Variants in GPC5 observed in about 807,000 individuals in gnomAD.
GPC5 encodes the protein glypican 5.
In GPC5, 47 loss-of-function variants were observed where a neutral mutation model predicts 53.9. The observed-to-expected ratio is 0.87, with a 90% CI of 0.69 to 1.11. The LOEUF (loss-of-function observed/expected upper bound fraction) is 1.11, where lower values mean the gene tolerates loss of function less well. Ranked by LOEUF, GPC5 falls within the 50% of genes most tolerant of loss-of-function variation. GPC5 has a pLI of 0.00. For synonymous variants in GPC5, 286 were observed against 263.3 expected (o/e 1.09, Z -0.84); for missense variants, 748 against 713.1 (o/e 1.05, Z -0.56).
intron 7 of GPC5, among the ~76,000 whole-genome samples, chr13:92,217,069 G>A (rs1275295932): frequency 6.6e-6 from 1 of 151,568 alleles, no homozygotes; most frequent in Non-Finnish European, 1.5e-5. Context: ...CTCTGACCCT[G>A]CAGTCTTCAC....
intron 7 of GPC5, among the ~76,000 whole-genome samples, chr13:92,481,904 G>A (rs1284307477): frequency 2.6e-5 from 4 of 151,996 alleles, no homozygotes; most frequent in African/African-American, 9.7e-5. Flanking sequence ...AGAGGTGGGC[G>A]GATCACCTGA....
chr13:92,530,846 T>G (rs1881539273), intron 7 of GPC5, among the ~76,000 whole-genome samples: 1 of 152,200 alleles, frequency 6.6e-6, no homozygotes, highest in Non-Finnish European at 1.5e-5. Context: ...TAATTGAGTT[T>G]GGTGAATCAT....
At chr13:92,141,965 A>G (rs538282073) in intron 6 of GPC5, among the ~76,000 whole-genome samples, 11 of 152,244 alleles carry the variant, frequency 7.2e-5, no homozygotes, top group Non-Finnish European at 1.3e-4. Context: ...CCTCAAGGGC[A>G]GCAGCATGGG....
At chr13:91,928,371 T>G (rs1245925327) in intron 6 of GPC5, among the ~76,000 whole-genome samples, 2 of 152,198 alleles carry the variant, frequency 1.3e-5, no homozygotes, top group Non-Finnish European at 2.9e-5. Flanking sequence ...CTTAGTGGAA[T>G]AACTCTATAT....
At chr13:92,684,271 T>TTTTTTG (rs1887191601) in intron 7 of GPC5, among the ~76,000 whole-genome samples, 1 of 152,078 alleles carries the variant, frequency 6.6e-6, no homozygotes, top group South Asian at 2.1e-4. Context: ...ATTTTTTATT[T>TTTTTTG]TTTTTGTTTT....
At chr13:92,678,359 C>T (rs563507514) in intron 7 of GPC5, among the ~76,000 whole-genome samples, 57 of 152,150 alleles carry the variant, frequency 3.7e-4, no homozygotes, top group Non-Finnish European at 6.9e-4. Context: ...ACAGAGAAGG[C>T]GCATAAAGAG....
At chr13:92,565,667 A>T (rs1882840734) in intron 7 of GPC5, among the ~76,000 whole-genome samples, 1 of 152,116 alleles carries the variant, frequency 6.6e-6, no homozygotes, top group South Asian at 2.1e-4. Flanking sequence ...TTGTAAAATA[A>T]TCATAAAAAT....
At chr13:91,411,644 T>G (rs946701863) in intron 1 of GPC5, among the ~76,000 whole-genome samples, 2 of 152,212 alleles carry the variant, frequency 1.3e-5, no homozygotes, top group Non-Finnish European at 2.9e-5. Flanking sequence ...TCTGAATCCT[T>G]ATAACTACTT....
intron 7 of GPC5, among the ~76,000 whole-genome samples, chr13:92,247,970 CCAAA>C (rs1392059221): frequency 3.9e-5 from 6 of 151,948 alleles, no homozygotes; most frequent in Admixed American, 1.3e-4. Flanking sequence ...CATTTATAAT[CCAAA>C]CAAACAGCCA....
Position 91,537,949 on chromosome 13 carries a change from A to T in GPC5, c.325+89027A>T, listed in dbSNP as rs187901584. Among the ~76,000 whole-genome samples, 352 of 152,368 alleles carry T rather than the reference A, an allele frequency of 2.3e-3. 2 individuals carry two copies. The highest frequency in any genetic ancestry group is 8.1e-3 in the African/African-American group (336 of 41,586). ...ACAGATGTTCATAATAGCATTATTT[A>T]CAATAGCCCCAAGGTGGAAACAACT... On this transcript the variant is annotated intron_variant, in intron 2 of 7. Coordinates refer to ENST00000377067, the MANE Select transcript of GPC5 (RefSeq NM_004466.6).
chr13:92,183,956 T>G, intron 7 of GPC5, among the ~76,000 whole-genome samples: 1 of 152,032 alleles, frequency 6.6e-6, no homozygotes, highest in South Asian at 2.1e-4. Flanking sequence ...ACTGATACTA[T>G]TAATTTAAAT....
In GPC5 at chr13:92,264,933, C is replaced by T. The variant is rs556168863; in HGVS notation, c.1561+119944C>T. Among the ~76,000 whole-genome samples the T allele has an allele frequency of 1.4e-3, 194 of 140,216 alleles. 1 individual carries two copies. The highest frequency in any genetic ancestry group is 6.8e-3 in the South Asian group (29 of 4,296). The allele number at this position is 140,216 out of a possible 152,430, so 92.0% of individuals were successfully genotyped here. A position where few individuals can be genotyped will look rare whatever the true frequency, so the allele number is the denominator to read the frequency against. On this transcript the variant is annotated intron_variant, in intron 7 of 7. Coordinates refer to ENST00000377067, the MANE Select transcript of GPC5 (RefSeq NM_004466.6). Reference sequence around the variant, plus strand: ...GTGTGTGTGTGTGTGTGTTGCAACTCCATTGCATTCCAGGTTCAAGGCTGC... The same window carrying T: ...GTGTGTGTGTGTGTGTGTTGCAACTTCATTGCATTCCAGGTTCAAGGCTGC...
At chr13:92,685,446 T>G (rs1473231550) in intron 7 of GPC5, among the ~76,000 whole-genome samples, 1 of 152,052 alleles carries the variant, frequency 6.6e-6, no homozygotes, top group Non-Finnish European at 1.5e-5. Flanking sequence ...ACCACATTTT[T>G]CCACATATAT....
intron 5 of GPC5, among the ~76,000 whole-genome samples, chr13:91,788,298 T>G (rs2138739926): frequency 6.6e-6 from 1 of 152,266 alleles, no homozygotes; most frequent in South Asian, 2.1e-4. Flanking sequence ...ATAAGGACAT[T>G]AATCCCATCA....
rs1050970487 is a variant in GPC5, at chr13:91,757,553, G to A, written c.1280+1133G>A. Reference sequence around the variant, plus strand: ...CTTGGGATAGTGAGTTAATTCTCCCGAGATCTGATGGTTTTATACGGGGCT... The same window carrying A: ...CTTGGGATAGTGAGTTAATTCTCCCAAGATCTGATGGTTTTATACGGGGCT... On this transcript the variant is annotated intron_variant, in intron 5 of 7. Coordinates refer to ENST00000377067, the MANE Select transcript of GPC5 (RefSeq NM_004466.6). Among the ~76,000 whole-genome samples, 8 of 152,174 alleles carry A rather than the reference G, an allele frequency of 5.3e-5. No homozygotes were observed. The South Asian group carries it at 6.2e-4, about 12-fold the overall frequency.
At chr13:92,354,607 A>G (rs1020927112) in intron 7 of GPC5, among the ~76,000 whole-genome samples, 3 of 152,230 alleles carry the variant, frequency 2.0e-5, no homozygotes, top group Non-Finnish European at 2.9e-5. Context: ...CTAAATAAGT[A>G]AACAAACATA....
intron 4 of GPC5, among the ~76,000 whole-genome samples, chr13:91,744,235 T>G (rs1037073378): frequency 6.6e-6 from 1 of 152,090 alleles, no homozygotes; most frequent in Non-Finnish European, 1.5e-5. Flanking sequence ...TAAGTAAAGG[T>G]AACTATACAT....
chr13:92,491,997 G>C (rs1399300833), intron 7 of GPC5, among the ~76,000 whole-genome samples: 1 of 151,776 alleles, frequency 6.6e-6, no homozygotes, highest in African/African-American at 2.4e-5. Context: ...TTTCAGTCTA[G>C]AGTCTACATC....
intron 7 of GPC5, among the ~76,000 whole-genome samples, chr13:92,233,891 G>A (rs7994110): frequency 0.014 from 2,145 of 151,328 alleles, 49 homozygotes; most frequent in African/African-American, 0.049. Context: ...TCCCACCTAT[G>A]AGTGAGAACA....
Sources: gnomAD v4.1 joint callset for allele counts (sites outside exome capture counted in the v4.1 genomes callset) on GRCh38, gnomAD v4.1.1 for gene constraint, MANE v1.5 for transcripts, NCBI Gene and HGNC (gene_info 2026-07-23, HGNC 2026-07-21) for gene names.